Variants in CLIC5 observed in about 807,000 individuals in gnomAD.
CLIC5 encodes CLIC family member 5.
Under a neutral mutation model 24.7 loss-of-function variants are expected in CLIC5, and 20 were observed. That is an observed-to-expected ratio of 0.81 (90% CI 0.57 to 1.18). The LOEUF is 1.18. Among genes scored for constraint, CLIC5 ranks in the 50% most tolerant of loss-of-function variants. CLIC5 has a pLI of 0.00. For missense variants in CLIC5, 341 were observed against 326.1 expected (o/e 1.05, Z -0.35); for synonymous variants, 159 against 135.6 (o/e 1.17, Z -1.20).
At chr6:45,944,919 C>T (rs1390616692) in intron 3 of CLIC5, among the ~76,000 whole-genome samples, 1 of 152,198 alleles carries the variant, frequency 6.6e-6, no homozygotes, top group East Asian at 1.9e-4. Context: ...GTTCCCACTT[C>T]CTTACTTCAT....
At chr6:45,958,422 T>TTATATTTATATA in intron 1 of CLIC5, among the ~76,000 whole-genome samples, 1 of 8,376 alleles carries the variant, frequency 1.2e-4, no homozygotes, top group African/African-American at 3.6e-4. Flanking sequence ...AAAAAGACAA[T>TTATATTTATATA]TATATATATA....
intron 6 of CLIC5, among the ~76,000 whole-genome samples, chr6:45,884,781 G>A (rs1223999279): frequency 6.6e-6 from 1 of 152,028 alleles, no homozygotes; most frequent in Non-Finnish European, 1.5e-5. Flanking sequence ...AGACCATGTG[G>A]CCTCCCATGT....
At chr6:46,020,011 C>T (rs1767131777), upstream of CLIC5, among the ~76,000 whole-genome samples, 2 of 151,836 alleles carry the variant, frequency 1.3e-5, no homozygotes, top group African/African-American at 4.8e-5. Context: ...ATTTATAGCA[C>T]AAGTAGACAA....
chr6:45,892,394 G>A (rs912928807), intron 6 of CLIC5, among the ~76,000 whole-genome samples: 3 of 152,226 alleles, frequency 2.0e-5, no homozygotes, highest in Non-Finnish European at 4.4e-5. Flanking sequence ...CACCGGGAGA[G>A]GTGAAGTTTT....
At chr6:45,896,486 G>A (rs765177725), downstream of CLIC5, among the ~76,000 whole-genome samples, 7 of 152,174 alleles carry the variant, frequency 4.6e-5, no homozygotes, top group African/African-American at 7.2e-5. Flanking sequence ...TCAAATTCTC[G>A]TTTCTTTGTT....
At chr6:46,064,063 C>A (rs1762367125) in intron 1 of CLIC5, among the ~76,000 whole-genome samples, 1 of 151,704 alleles carries the variant, frequency 6.6e-6, no homozygotes, top group Non-Finnish European at 1.5e-5. Context: ...CAATATAAAC[C>A]CATATATGGT....
the CLIC5 span, among the ~76,000 whole-genome samples, chr6:46,123,757 G>A: frequency 6.6e-6 from 1 of 152,220 alleles, no homozygotes; most frequent in African/African-American, 2.4e-5. Context: ...AAATCAATGT[G>A]CAAAAATCAC....
intron 1 of CLIC5, among the ~76,000 whole-genome samples, chr6:46,002,285 T>C (rs3777618): frequency 0.26 from 39,364 of 152,092 alleles, 5,566 homozygotes; most frequent in East Asian, 0.49. Context: ...TACATATCTG[T>C]AAATGACTCT....
intron 1 of CLIC5, among the ~76,000 whole-genome samples, chr6:46,030,580 G>A (rs1415228505): frequency 6.6e-6 from 1 of 152,132 alleles, no homozygotes; most frequent in African/African-American, 2.4e-5. Context: ...CCAGAATGAT[G>A]TACTAGGTTG....
chr6:45,909,835 T>C (rs923227506), intron 5 of CLIC5, among the ~76,000 whole-genome samples: 1 of 152,224 alleles, frequency 6.6e-6, no homozygotes, highest in Admixed American at 6.5e-5. Flanking sequence ...TACCTTGCTT[T>C]CATTTTCAGA....
chr6:45,972,690 C>T (rs1282110691), intron 1 of CLIC5, among the ~76,000 whole-genome samples: 2 of 152,178 alleles, frequency 1.3e-5, no homozygotes, highest in African/African-American at 2.4e-5. Context: ...TTCAGTAAGA[C>T]CTCTAAGTGA....
intron 1 of CLIC5, among the ~76,000 whole-genome samples, chr6:45,990,440 A>T (rs1765894576): frequency 6.6e-6 from 1 of 152,346 alleles, no homozygotes; most frequent in Non-Finnish European, 1.5e-5. Flanking sequence ...AAACCACTTG[A>T]GTTGGCCAAC....
chr6:46,020,657 T>C (rs1426917731), upstream of CLIC5, among the ~76,000 whole-genome samples: 1 of 151,674 alleles, frequency 6.6e-6, no homozygotes, highest in African/African-American at 2.4e-5. Context: ...TTATCAAAGA[T>C]CAATAAAGTT....
intron 1 of CLIC5, 137 bp from the exon 2 acceptor site, chr6:45,955,381 ATAT>A (rs1437269152): frequency 3.2e-6 from 2 of 619,472 alleles, no homozygotes; most frequent in Non-Finnish European, 5.7e-6. Flanking sequence ...CGGTAGCCTG[ATAT>A]TATTAGTTTT....
intron 1 of CLIC5, among the ~76,000 whole-genome samples, chr6:45,963,344 T>C (rs917407326): frequency 2.0e-5 from 3 of 152,210 alleles, no homozygotes; most frequent in African/African-American, 4.8e-5. Flanking sequence ...TGCAGTTGCA[T>C]GGGGCCCCAT....
Position 45,913,751 on chromosome 6 carries a change from T to C in CLIC5, c.588+477A>G, listed in dbSNP as rs115073886. 894 of 1,225,266 alleles carry C rather than the reference T, an allele frequency of 7.3e-4. 6 individuals are homozygous for C. The African/African-American group carries it at 9.9e-3, about 14-fold the overall frequency. 75.9% of individuals were successfully genotyped at this position (1,225,266 alleles called of 1,614,324 possible). On this transcript the variant is annotated intron_variant, in intron 5 of 5. Coordinates refer to ENST00000339561, the MANE Select transcript of CLIC5 (RefSeq NM_016929.5). ...TTGCAACCTCCACCTCTTCATTTGA[T>C]AGATGAGGAAAATAATGTGGGCTCA...
chr6:45,999,337 T>C (rs905435188), intron 1 of CLIC5, among the ~76,000 whole-genome samples: 1 of 152,232 alleles, frequency 6.6e-6, no homozygotes, highest in Non-Finnish European at 1.5e-5. Flanking sequence ...AAGATAGGTA[T>C]GGATTTACAC....
Position 45,986,159 on chromosome 6 carries a change from G to C in CLIC5, c.63+29321C>G, listed in dbSNP as rs530220266. On this transcript the variant is annotated intron_variant, in intron 1 of 5. Coordinates refer to ENST00000339561, the MANE Select transcript of CLIC5 (RefSeq NM_016929.5). Reference sequence around the variant, plus strand: ...TTTCCTTTATAAATTACTCAGTCTTGGGTATGTCTTTATTAGCAGCATGAG... The same window carrying C: ...TTTCCTTTATAAATTACTCAGTCTTCGGTATGTCTTTATTAGCAGCATGAG... Among the ~76,000 whole-genome samples the C allele has an allele frequency of 2.2e-3, 330 of 152,224 alleles. 1 individual carries two copies. The highest frequency in any genetic ancestry group is 7.5e-3 in the African/African-American group (312 of 41,534).
At chr6:45,973,743 C>A (rs62400483) in intron 1 of CLIC5, among the ~76,000 whole-genome samples, 45,154 of 151,696 alleles carry the variant, frequency 0.3, 6,897 homozygotes, top group Admixed American at 0.35. Context: ...TTGAGACCAT[C>A]CTGGACAACA....
Sources: gnomAD v4.1 joint callset for allele counts (sites outside exome capture counted in the v4.1 genomes callset) on GRCh38, gnomAD v4.1.1 for gene constraint, MANE v1.5 for transcripts, NCBI Gene and HGNC (gene_info 2026-07-23, HGNC 2026-07-21) for gene names.